PCDHB3: variants seen among roughly 807,000 people sequenced by gnomAD.
PCDHB3 encodes protocadherin beta 3, also known as protocadherin beta-3.
For missense variants in PCDHB3, 967 were observed against 1,012.1 expected (o/e 0.96, Z 0.60); for synonymous variants, 479 against 456.0 (o/e 1.05, Z -0.64).
Position 141,100,692 on chromosome 5 carries a change from T to C in PCDHB3, c.43T>C (p.Leu15=), listed in dbSNP as rs1368370456. Residue 15 remains leucine (L), a synonymous_variant, in exon 1 of 1, where the codon TTG becomes CTG. Transcript: ENST00000231130. Reference sequence around the variant, plus strand: ...GCGATTTCTTAGACAAAGGCAAGTCTTGCTTCTCTTTGTTTTTCTGGGAGG... The same window carrying C: ...GCGATTTCTTAGACAAAGGCAAGTCCTGCTTCTCTTTGTTTTTCTGGGAGG... The part of the protein sequence containing the change: ...GERFLRQRQV[L]LLFVFLGGSL... 3 of 1,612,404 alleles carry C rather than the reference T, an allele frequency of 1.9e-6. No homozygotes were observed. The highest frequency in any genetic ancestry group is 2.5e-6 in the Non-Finnish European group (3 of 1,179,140).
At position 141,101,360 on chromosome 5, in the gene PCDHB3, C is replaced by A. The variant is rs781908162; in HGVS notation, c.711C>A (p.Asp237Glu). 2.5e-6 allele frequency: 4 copies of A among 1,614,164 alleles called. No homozygotes were observed. Among genetic ancestry groups the A allele is most frequent in the Non-Finnish European group, 3.4e-6 (4 of 1,180,042 alleles). ...ACATCCAGGTCTTAGATATAAACGA[C>A]AATGCACCAGAATTTGCACAGCCGC... The part of the protein sequence containing the change: ...QINIQVLDIN[D>E]NAPEFAQPLY... The change falls in exon 1 of 1, where the codon GAC (aspartate) becomes GAA (glutamate). Residue 237 changes from aspartate (D) to glutamate (E), a missense_variant. By Grantham distance (45) the Asp-to-Glu change is conservative. Transcript: ENST00000231130.
chr5:141,103,287 T>G lies in PCDHB3; in HGVS notation c.*247T>G, dbSNP rs7722330. 89,913 of 384,326 alleles carry G rather than the reference T, an allele frequency of 0.23. 11,773 individuals are homozygous for G. The highest frequency in any genetic ancestry group is 0.45 in the East Asian group (10,987 of 24,230). The allele number at this position is 384,326 out of a possible 1,614,324, so 23.8% of individuals were successfully genotyped here. On this transcript the variant is annotated 3_prime_UTR_variant, in exon 1 of 1. Transcript: ENST00000231130. ...TAGAACATTTTGTTTATATATTGAT[T>G]CTACTTTTTCTGTAGTTAATCCTTG...
Position 141,103,040 on chromosome 5 carries a change from A to C in PCDHB3, c.2391A>C (p.Ter797TyrextTer7). Residue 797 changes from the stop codon to tyrosine, a stop_lost, in exon 1 of 1, where the codon TAA becomes TAC. Coordinates refer to ENST00000231130, the MANE Select transcript of PCDHB3 (RefSeq NM_018937.5). ...PSFRKSFEFS[*>Y] ...TCAGGAAGAGCTTTGAATTCAGTTAAGTGTTAATAAGGATCTACTGAGCCT... is the reference window on the plus strand; with the variant it reads ...TCAGGAAGAGCTTTGAATTCAGTTACGTGTTAATAAGGATCTACTGAGCCT... 1.9e-6 allele frequency: 3 copies of C among 1,604,382 alleles called. No individual in the cohort carries two copies. The highest frequency in any genetic ancestry group is 2.6e-6 in the Non-Finnish European group (3 of 1,174,616).
At position 141,101,411 on chromosome 5, in the gene PCDHB3, T is replaced by C; in HGVS notation, c.762T>C (p.Asn254=). 1.2e-6 allele frequency: 2 copies of C among 1,614,204 alleles called. No individual in the cohort carries two copies. The highest frequency in any genetic ancestry group is 8.5e-7 in the Non-Finnish European group (1 of 1,180,028). Residue 254 remains asparagine (N), a synonymous_variant, in exon 1 of 1, where the codon AAT becomes AAC. Transcript: ENST00000231130. ...QPLYEVAVLE[N]TPVNSVIVTV... is the part of the protein sequence containing the mutation. ...TCTATGAGGTTGCAGTTCTAGAGAA[T>C]ACCCCCGTTAACTCTGTCATTGTCA...
Position 141,101,226 on chromosome 5 carries a change from G to T in PCDHB3, c.577G>T (p.Glu193Ter), listed in dbSNP as rs1415382355. 1 of 1,614,122 alleles carries T rather than the reference G, an allele frequency of 6.2e-7. No individual in the cohort carries two copies. The highest frequency in any genetic ancestry group is 1.7e-5 in the Admixed American group (1 of 60,026). Residue 193 changes from glutamate to a stop codon, truncating the protein, a stop_gained, in exon 1 of 1, where the codon GAA (glutamate) becomes TAA (stop). Coordinates refer to ENST00000231130, the MANE Select transcript of PCDHB3 (RefSeq NM_018937.5). LOFTEE classifies it low-confidence loss of function (END_TRUNC). ...RSRRDGRKYP[E>*]LVLDKALDPE... ...TCGTAGGGACGGAAGGAAGTACCCGGAACTAGTACTGGATAAAGCGCTCGA... is the reference window on the plus strand; with the variant it reads ...TCGTAGGGACGGAAGGAAGTACCCGTAACTAGTACTGGATAAAGCGCTCGA...
Position 141,102,001 on chromosome 5 carries a change from T to C in PCDHB3, c.1352T>C (p.Phe451Ser). ...GACGTCAATGACAACGCCCCCGCCT[T>C]CACCCAAATCTCCTACACCCTGTTC... ...VSDVNDNAPA[F>S]TQISYTLFVR... is the part of the protein sequence containing the mutation. The change falls in exon 1 of 1, where the codon TTC becomes TCC. Residue 451 changes from phenylalanine (F) to serine (S), a missense_variant. Phe to Ser is a radical substitution (Grantham distance 155, BLOSUM62 -2). Coordinates refer to ENST00000231130, the MANE Select transcript of PCDHB3 (RefSeq NM_018937.5). 1 of 1,613,220 alleles carries C rather than the reference T, an allele frequency of 6.2e-7. No homozygotes were observed. Among genetic ancestry groups the C allele is most frequent in the Non-Finnish European group, 8.5e-7 (1 of 1,180,002 alleles).
At position 141,101,282 on chromosome 5, in the gene PCDHB3, G is replaced by T. The variant is rs782267786; in HGVS notation, c.633G>T (p.Thr211=). The T allele has an allele frequency of 1.2e-6, 2 of 1,614,200 alleles. No individual in the cohort carries two copies. Among genetic ancestry groups the T allele is most frequent in the Non-Finnish European group, 1.7e-6 (2 of 1,180,044 alleles). Residue 211 remains threonine (T), a synonymous_variant, in exon 1 of 1, where the codon ACG becomes ACT. Coordinates refer to ENST00000231130, the MANE Select transcript of PCDHB3 (RefSeq NM_018937.5). ...AGGAGCAGCCGGAACTCAGCTTAAC[G>T]CTCACCGCGCTGGACGGCGGCTCTC... ...DPEEQPELSL[T]LTALDGGSPP...
rs190295519 is a variant in PCDHB3 at position 141,102,269 on chromosome 5, T to G, written c.1620T>G (p.Ala540=). 3.3e-4 allele frequency: 531 copies of G among 1,611,990 alleles called. 2 individuals carry two copies. In the East Asian group the frequency reaches 6.0e-3, roughly 18 times the overall value. The change falls in exon 1 of 1, where the codon GCT becomes GCG. Residue 540 remains alanine (A), a synonymous_variant. Coordinates refer to ENST00000231130, the MANE Select transcript of PCDHB3 (RefSeq NM_018937.5). ...GCGCCACAGACCGTGGCTCCCCGGC[T>G]TTGAGCAGCGAGGCGCTGGTGCGCG... ...RVGATDRGSP[A]LSSEALVRVL...
Position 141,101,606 on chromosome 5 carries a change from C to A in PCDHB3, c.957C>A (p.Ile319=), listed in dbSNP as rs782757284. ...FEAINSYEVD[I]EAKDGGGLSG... is the part of the protein sequence containing the mutation. ...CGATTAATAGTTATGAAGTCGACATCGAGGCCAAGGATGGCGGAGGCCTAT... is the reference window on the plus strand; with the variant it reads ...CGATTAATAGTTATGAAGTCGACATAGAGGCCAAGGATGGCGGAGGCCTAT... Residue 319 remains isoleucine (I), a synonymous_variant, in exon 1 of 1, where the codon ATC becomes ATA. Transcript: ENST00000231130. The A allele has an allele frequency of 6.2e-7, 1 of 1,614,098 alleles. No homozygotes were observed. Among genetic ancestry groups the A allele is most frequent in the Non-Finnish European group, 8.5e-7 (1 of 1,179,970 alleles).
Position 141,102,022 on chromosome 5 carries a change from T to G in PCDHB3, c.1373T>G (p.Leu458Arg), listed in dbSNP as rs782546513. The G allele has an allele frequency of 8.7e-6, 14 of 1,613,186 alleles. No homozygotes were observed. The highest frequency in any genetic ancestry group is 1.9e-4 in the Middle Eastern group (1 of 5,238). The change falls in exon 1 of 1, where the codon CTG (leucine) becomes CGG (arginine). Residue 458 changes from leucine to arginine, a missense_variant. Physicochemically the swap from Leu to Arg is moderately radical, Grantham distance 102. Transcript: ENST00000231130. The stretch of plus-strand genomic sequence containing the variant: ...GCCTTCACCCAAATCTCCTACACCC[T>G]GTTCGTCCGCGAGAACAACAGCCCC... The part of the protein sequence containing the change: ...APAFTQISYT[L>R]FVRENNSPAL...
At position 141,101,256 on chromosome 5, in the gene PCDHB3, G is replaced by T; in HGVS notation, c.607G>T (p.Glu203Ter). The T allele has an allele frequency of 1.2e-6, 2 of 1,614,170 alleles. No homozygotes were observed. The highest frequency in any genetic ancestry group is 1.7e-6 in the Non-Finnish European group (2 of 1,180,036). The change falls in exon 1 of 1, where the codon GAG (glutamate) becomes TAG (stop). Residue 203 changes from glutamate (E) to a stop codon, truncating the protein, a stop_gained. Coordinates refer to ENST00000231130, the MANE Select transcript of PCDHB3 (RefSeq NM_018937.5). LOFTEE classifies it low-confidence loss of function (END_TRUNC). ...ELVLDKALDP[E>*]EQPELSLTLT... ...AGTACTGGATAAAGCGCTCGATCCG[G>T]AGGAGCAGCCGGAACTCAGCTTAAC...
Position 141,102,432 on chromosome 5 carries a change from GACTCGGGCCAGA to G in PCDHB3, c.1786_1797del (p.Ser596_Asn599del). 2 of 1,610,438 alleles carry G rather than the reference GACTCGGGCCAGA, an allele frequency of 1.2e-6. No individual in the cohort carries two copies. Among genetic ancestry groups the G allele is most frequent in the Non-Finnish European group, 1.7e-6 (2 of 1,179,618 alleles). On this transcript the variant is annotated inframe_deletion, in exon 1 of 1. Transcript: ENST00000231130. Reference sequence around the variant, plus strand: ...GACCAAGGTGGTGGCGGTGGACGGCGACTCGGGCCAGAACGCCTGGCTGTCGTACCAGCTGCT... The same window carrying G: ...GACCAAGGTGGTGGCGGTGGACGGCGACGCCTGGCTGTCGTACCAGCTGCT...
In PCDHB3 at chr5:141,103,299, G is replaced by T; in HGVS notation, c.*259G>T. On this transcript the variant is annotated 3_prime_UTR_variant, in exon 1 of 1. Transcript: ENST00000231130. ...TTTATATATTGATTCTACTTTTTCT[G>T]TAGTTAATCCTTGCATATTCTCCTT... The T allele has an allele frequency of 2.8e-6, 1 of 355,308 alleles. No individual in the cohort carries two copies. The highest frequency in any genetic ancestry group is 8.9e-5 in the South Asian group (1 of 11,204). The allele number at this position is 355,308 out of a possible 1,614,324, so 22.0% of individuals were successfully genotyped here. A position where few individuals can be genotyped will look rare whatever the true frequency, so the allele number is the denominator to read the frequency against.
Position 141,101,682 on chromosome 5 carries a change from C to T in PCDHB3, c.1033C>T (p.Pro345Ser), listed in dbSNP as rs1554272333. The change falls in exon 1 of 1, where the codon CCG (proline) becomes TCG (serine). Residue 345 changes from proline to serine, a missense_variant. Transcript: ENST00000231130. The part of the protein sequence containing the change: ...VQVVDVNDNP[P>S]ELTLSSVNSP... Reference sequence around the variant, plus strand: ...GGTGGTTGATGTCAACGACAACCCACCGGAACTGACCTTGTCTTCAGTAAA... The same window carrying T: ...GGTGGTTGATGTCAACGACAACCCATCGGAACTGACCTTGTCTTCAGTAAA... 6.2e-7 allele frequency: 1 copy of T among 1,613,944 alleles called. No homozygotes were observed. The highest frequency in any genetic ancestry group is 1.1e-5 in the South Asian group (1 of 91,082).
Position 141,102,075 on chromosome 5 carries a change from A to G in PCDHB3, c.1426A>G (p.Thr476Ala), listed in dbSNP as rs781940489. Residue 476 changes from threonine (T) to alanine (A), a missense_variant, in exon 1 of 1, where the codon ACA becomes GCA. Thr to Ala is a moderately conservative substitution (Grantham distance 58, BLOSUM62 0). Coordinates refer to ENST00000231130, the MANE Select transcript of PCDHB3 (RefSeq NM_018937.5). The stretch of plus-strand genomic sequence containing the variant: ...CCTGCACATCGGCAGTGTCAGCGCC[A>G]CAGACAGAGACTCAGGCACCAACGC... ...PALHIGSVSA[T>A]DRDSGTNAQV... 3 of 1,612,836 alleles carry G rather than the reference A, an allele frequency of 1.9e-6. No individual in the cohort carries two copies. Among genetic ancestry groups the G allele is most frequent in the Non-Finnish European group, 2.5e-6 (3 of 1,179,998 alleles).
chr5:141,103,359 C>CTT lies in PCDHB3; in HGVS notation c.*328_*329dup, dbSNP rs147901526. 6.6e-3 allele frequency: 1,363 copies of CTT among 205,396 alleles called. 22 individuals carry two copies. Among genetic ancestry groups the CTT allele is most frequent in the African/African-American group, 0.03 (1,293 of 42,500 alleles). 12.7% of individuals were successfully genotyped at this position (205,396 alleles called of 1,614,324 possible). A position where few individuals can be genotyped will look rare whatever the true frequency, so the allele number is the denominator to read the frequency against. On this transcript the variant is annotated 3_prime_UTR_variant, in exon 1 of 1. Transcript: ENST00000231130. ...CTTGCCAACGCAGTCTTAATTCCGC[C>CTT]TTTTTTTTTTCTAATGGGGAGCAAA...
rs1352031647 is a variant in PCDHB3, at chr5:141,100,680, C to A, written c.31C>A (p.Gln11Lys). The change falls in exon 1 of 1, where the codon CAA (glutamine) becomes AAA (lysine). Residue 11 changes from glutamine (Q) to lysine (K), a missense_variant. Coordinates refer to ENST00000231130, the MANE Select transcript of PCDHB3 (RefSeq NM_018937.5). MEAGGERFLRQRQVLLLFVFL... is the reference protein window; with the variant it reads MEAGGERFLRKRQVLLLFVFL... ...GGCGGGAGGAGAGCGATTTCTTAGACAAAGGCAAGTCTTGCTTCTCTTTGT... is the reference window on the plus strand; with the variant it reads ...GGCGGGAGGAGAGCGATTTCTTAGAAAAAGGCAAGTCTTGCTTCTCTTTGT... 6.2e-7 allele frequency: 1 copy of A among 1,608,720 alleles called. No individual in the cohort carries two copies. The highest frequency in any genetic ancestry group is 8.5e-7 in the Non-Finnish European group (1 of 1,177,094).
At position 141,101,449 on chromosome 5, in the gene PCDHB3, C is replaced by G; in HGVS notation, c.800C>G (p.Ser267Cys). Residue 267 changes from serine (S) to cysteine (C), a missense_variant, in exon 1 of 1, where the codon TCT becomes TGT. Ser to Cys is a moderately radical substitution (Grantham distance 112). Coordinates refer to ENST00000231130, the MANE Select transcript of PCDHB3 (RefSeq NM_018937.5). ...TCTGTCATTGTCACTGTCTCGGCTT[C>G]TGACTTAGATACAGGAAGTTTTGGG... Reference protein sequence around the residue: ...VNSVIVTVSASDLDTGSFGTI... With the variant: ...VNSVIVTVSACDLDTGSFGTI... The G allele has an allele frequency of 6.2e-7, 1 of 1,614,204 alleles. No individual in the cohort carries two copies. The highest frequency in any genetic ancestry group is 1.1e-5 in the South Asian group (1 of 91,082).
At position 141,100,746 on chromosome 5, in the gene PCDHB3, T is replaced by C; in HGVS notation, c.97T>C (p.Tyr33His). 1 of 1,614,108 alleles carries C rather than the reference T, an allele frequency of 6.2e-7. No individual in the cohort carries two copies. The highest frequency in any genetic ancestry group is 8.5e-7 in the Non-Finnish European group (1 of 1,180,026). Reference protein sequence around the residue: ...GSLAGSESRRYSVAEEKEKGF... With the variant: ...GSLAGSESRRHSVAEEKEKGF... ...TCTGGCTGGGTCCGAGTCAAGACGC[T>C]ATTCTGTGGCTGAGGAAAAAGAGAA... Residue 33 changes from tyrosine (Y) to histidine (H), a missense_variant, in exon 1 of 1, where the codon TAT (tyrosine) becomes CAT (histidine). Tyr to His is a moderately conservative substitution (Grantham distance 83). Transcript: ENST00000231130.
Sources: gnomAD v4.1 joint callset for allele counts on GRCh38, gnomAD v4.1.1 for gene constraint, MANE v1.5 for transcripts, NCBI Gene and HGNC (gene_info 2026-07-23, HGNC 2026-07-21) for gene names.